The following ANO10 variants were observed in gnomAD, a reference collection of about 807,000 sequenced individuals.
ANO10 encodes the protein anoctamin-10.
In ANO10, 77 loss-of-function variants were observed where a neutral mutation model predicts 74.7. That is an observed-to-expected ratio of 1.03 (90% CI 0.86 to 1.25). The LOEUF (loss-of-function observed/expected upper bound fraction) is 1.25. ANO10 is among the 50% of genes most tolerant of loss of function. The pLI is 0.00. For synonymous variants in ANO10, 279 were observed against 284.9 expected (o/e 0.98, Z 0.21); for missense variants, 721 against 778.1 (o/e 0.93, Z 0.87).
At chr3:43,367,025 G>T in intron 12 of ANO10, 51 bp from the exon 13 acceptor site, 1 of 1,531,410 alleles carries the variant, frequency 6.5e-7, no homozygotes, top group Non-Finnish European at 8.9e-7. Context: ...CTAAGTAGTG[G>T]CCGAGGCCTC....
chr3:43,568,387 T>A (rs1031053336), intron 7 of ANO10, among the ~76,000 whole-genome samples: 1 of 152,230 alleles, frequency 6.6e-6, no homozygotes, highest in Non-Finnish European at 1.5e-5. Flanking sequence ...TATACATTTT[T>A]ATCAGCACCA....
At chr3:43,372,013 G>A (rs1324276182) in intron 12 of ANO10, among the ~76,000 whole-genome samples, 1 of 152,208 alleles carries the variant, frequency 6.6e-6, no homozygotes, top group African/African-American at 2.4e-5. Flanking sequence ...GCTTGCAGCA[G>A]CCTGTCAGGC....
At position 43,549,703 on chromosome 3, in the gene ANO10, T is replaced by C; in HGVS notation, c.1797+17A>G. 6.2e-7 allele frequency: 1 copy of C among 1,613,690 alleles called. No individual in the cohort carries two copies. Among genetic ancestry groups the C allele is most frequent in the Non-Finnish European group, 8.5e-7 (1 of 1,179,662 alleles). ...TAATATGGATACTGCTTAAAATAAG[T>C]TTAAATCTTTACTTACCTCCACTGC... On this transcript the variant is annotated intron_variant, in intron 11 of 12. Coordinates refer to ENST00000292246, the MANE Select transcript of ANO10 (RefSeq NM_018075.5).
At chr3:43,632,176 G>A (rs557133540) in intron 1 of ANO10, among the ~76,000 whole-genome samples, 3 of 152,070 alleles carry the variant, frequency 2.0e-5, no homozygotes, top group Non-Finnish European at 2.9e-5. Context: ...TTAAATTGAC[G>A]GTGCTGGTTA....
chr3:43,424,487 T>G (rs2092868270), intron 12 of ANO10: 2 of 152,244 alleles, frequency 1.3e-5, no homozygotes, highest in South Asian at 4.1e-4. Flanking sequence ...AGATAACATG[T>G]AGAATCTAAG....
chr3:43,593,102 G>A (rs562490616), intron 4 of ANO10, among the ~76,000 whole-genome samples: 1 of 152,220 alleles, frequency 6.6e-6, no homozygotes, highest in South Asian at 2.1e-4. Context: ...AAAACATATG[G>A]GACTATGTGA....
At chr3:43,396,750 G>C (rs1172887812) in intron 12 of ANO10, among the ~76,000 whole-genome samples, 2 of 151,880 alleles carry the variant, frequency 1.3e-5, no homozygotes, top group African/African-American at 4.8e-5. Flanking sequence ...AGCTCACATA[G>C]CTCAGGAGCT....
chr3:43,658,455 A>ATATTAT lies in ANO10; in HGVS notation c.-12+33056_-12+33061dup, dbSNP rs555639307. Among the ~76,000 whole-genome samples the ATATTAT allele has an allele frequency of 9.6e-4, 145 of 150,846 alleles. 1 individual carries two copies. The highest frequency in any genetic ancestry group is 4.7e-3 in the East Asian group (24 of 5,150). On this transcript the variant is annotated intron_variant, in intron 1 of 3. Transcript: ENST00000413397. The stretch of plus-strand genomic sequence containing the variant: ...TGAAAGAAGCCAGACACCAAAGTTT[A>ATATTAT]TATTATTATTATTATTATTATTATT...
upstream of ANO10, among the ~76,000 whole-genome samples, chr3:43,626,684 T>G (rs9852783): frequency 1.3e-5 from 2 of 152,004 alleles, no homozygotes; most frequent in African/African-American, 4.8e-5. Context: ...TATATCTTGA[T>G]AGCTACACAT....
intron 11 of ANO10, among the ~76,000 whole-genome samples, chr3:43,459,075 A>G (rs1190538598): frequency 6.6e-6 from 1 of 152,202 alleles, no homozygotes; most frequent in Non-Finnish European, 1.5e-5. Context: ...AGAGAAAGGC[A>G]GCACTGTTTA....
chr3:43,610,790 A>G (rs937128574), intron 1 of ANO10, among the ~76,000 whole-genome samples: 1 of 152,212 alleles, frequency 6.6e-6, no homozygotes, highest in African/African-American at 2.4e-5. Flanking sequence ...GTTTTATTTT[A>G]TGAATACTAA....
At chr3:43,499,697 G>T (rs1362146280) in intron 11 of ANO10, among the ~76,000 whole-genome samples, 6 of 151,274 alleles carry the variant, frequency 4.0e-5, no homozygotes, top group Middle Eastern at 3.4e-3. Flanking sequence ...ATTAAAGAAA[G>T]TGTTCTTATT....
At chr3:43,607,573 T>A (rs1209092079) in intron 1 of ANO10, among the ~76,000 whole-genome samples, 1 of 152,168 alleles carries the variant, frequency 6.6e-6, no homozygotes, top group African/African-American at 2.4e-5. Flanking sequence ...CTGAAAAGGC[T>A]ACATTCTAAA....
chr3:43,496,776 T>G (rs960490889), intron 11 of ANO10, among the ~76,000 whole-genome samples: 2 of 152,022 alleles, frequency 1.3e-5, no homozygotes, highest in African/African-American at 4.8e-5. Flanking sequence ...TTATCCTTTG[T>G]CCCCCACCCC....
At chr3:43,425,941 C>T (rs1182844041) in intron 12 of ANO10, among the ~76,000 whole-genome samples, 1 of 152,028 alleles carries the variant, frequency 6.6e-6, no homozygotes, top group Non-Finnish European at 1.5e-5. Context: ...ACCATGTATC[C>T]CCTCTGAAGG....
rs143848434 is a variant in ANO10, at chr3:43,480,035, G to C, written c.1798-47308C>G. 2.5e-3 allele frequency among the ~76,000 whole-genome samples: 387 copies of C among 152,290 alleles called. 1 individual carries two copies. The highest frequency in any genetic ancestry group is 8.9e-3 in the African/African-American group (368 of 41,562). On this transcript the variant is annotated intron_variant, in intron 11 of 12. Coordinates refer to ENST00000292246, the MANE Select transcript of ANO10 (RefSeq NM_018075.5). Reference sequence around the variant, plus strand: ...TACAGAGGGATAATACTGCATTCATGAAATAAAGTACAGAATGCTATTTTC... The same window carrying C: ...TACAGAGGGATAATACTGCATTCATCAAATAAAGTACAGAATGCTATTTTC...
intron 11 of ANO10, among the ~76,000 whole-genome samples, chr3:43,499,215 G>A (rs1416617667): frequency 6.6e-6 from 1 of 152,052 alleles, no homozygotes; most frequent in East Asian, 1.9e-4. Context: ...TTTATCAAAC[G>A]ATACTTGTGA....
chr3:43,372,685 A>T, intron 12 of ANO10: 1 of 632,900 alleles, frequency 1.6e-6, no homozygotes, highest in Non-Finnish European at 2.8e-6. Flanking sequence ...TGGTTTATTC[A>T]TTGTTTGCAG....
At chr3:43,467,150 T>G (rs1322001096) in intron 11 of ANO10, among the ~76,000 whole-genome samples, 1 of 152,234 alleles carries the variant, frequency 6.6e-6, no homozygotes, top group Non-Finnish European at 1.5e-5. Flanking sequence ...GGTTGAAGTT[T>G]ATGTAAAATG....
Sources: gnomAD v4.1 joint callset for allele counts (sites outside exome capture counted in the v4.1 genomes callset) on GRCh38, gnomAD v4.1.1 for gene constraint, MANE v1.5 for transcripts, NCBI Gene and HGNC (gene_info 2026-07-23, HGNC 2026-07-21) for gene names.